Variants in SGMS1 observed in about 807,000 individuals in gnomAD.
SGMS1 encodes the protein sphingomyelin synthase 1.
Under a neutral mutation model 46.2 loss-of-function variants are expected in SGMS1, and 13 were observed. That is an observed-to-expected ratio of 0.28 (90% CI 0.18 to 0.45). The LOEUF (loss-of-function observed/expected upper bound fraction) is 0.45. Among genes scored for constraint, SGMS1 ranks in the 20% least tolerant of loss-of-function variants. SGMS1 has a pLI of 1.00. For synonymous variants in SGMS1, 203 were observed against 187.8 expected (o/e 1.08, Z -0.66); for missense variants, 324 against 519.9 (o/e 0.62, Z 3.66).
chr10:50,396,249 T>C (rs1483051313), intron 6 of SGMS1, among the ~76,000 whole-genome samples: 7 of 152,172 alleles, frequency 4.6e-5, no homozygotes, highest in Admixed American at 4.6e-4. Context: ...GCTTAAAGAC[T>C]ACCTCTTCTC....
At chr10:50,564,006 C>T (rs1016527807) in intron 2 of SGMS1, among the ~76,000 whole-genome samples, 2 of 152,226 alleles carry the variant, frequency 1.3e-5, no homozygotes, top group Non-Finnish European at 2.9e-5. Context: ...AGAAACCAGG[C>T]CTCAGGCCAA....
intron 3 of SGMS1, among the ~76,000 whole-genome samples, chr10:50,468,533 A>G (rs1837351050): frequency 6.6e-6 from 1 of 152,226 alleles, no homozygotes; most frequent in African/African-American, 2.4e-5. Context: ...ATTTTCTGAC[A>G]CGTTAACTGG....
intron 6 of SGMS1, among the ~76,000 whole-genome samples, chr10:50,430,366 T>C (rs1163754431): frequency 6.6e-6 from 1 of 151,974 alleles, no homozygotes; most frequent in Non-Finnish European, 1.5e-5. Flanking sequence ...TCTTACTATA[T>C]TGTCAACTGA....
At chr10:50,604,736 C>T (rs10763590) in intron 1 of SGMS1, among the ~76,000 whole-genome samples, 97,711 of 151,902 alleles carry the variant, frequency 0.64, 31,877 homozygotes, top group Middle Eastern at 0.68. Flanking sequence ...AAAAAGTCCT[C>T]GATTGATCAA....
chr10:50,412,385 C>T (rs1407436373), intron 6 of SGMS1, among the ~76,000 whole-genome samples: 1 of 152,220 alleles, frequency 6.6e-6, no homozygotes, highest in Non-Finnish European at 1.5e-5. Context: ...GCAAAACAGT[C>T]TGCCTTTATA....
chr10:50,624,568 C>G, upstream of SGMS1: 1 of 984,896 alleles, frequency 1.0e-6, no homozygotes, highest in South Asian at 4.7e-5. Flanking sequence ...GGTGAAAACT[C>G]CGACTGCGTC....
intron 2 of SGMS1, among the ~76,000 whole-genome samples, chr10:50,568,532 C>T (rs1838309797): frequency 6.6e-6 from 1 of 152,146 alleles, no homozygotes; most frequent in African/African-American, 2.4e-5. Context: ...TCCTAAACTG[C>T]CTTACTCTAC....
intron 5 of SGMS1, chr10:50,460,114 A>G (rs549788127): frequency 1.3e-5 from 2 of 152,360 alleles, no homozygotes; most frequent in South Asian, 4.1e-4. Flanking sequence ...GGTGCCCCTG[A>G]TCTTGATGAT....
intron 2 of SGMS1, among the ~76,000 whole-genome samples, chr10:50,533,460 T>C (rs1837973328): frequency 6.6e-6 from 1 of 152,194 alleles, no homozygotes; most frequent in East Asian, 1.9e-4. Flanking sequence ...AGTTGAGAAA[T>C]ACAGCTTGAA....
At chr10:50,455,514 A>G (rs923899515) in intron 5 of SGMS1, among the ~76,000 whole-genome samples, 7 of 152,216 alleles carry the variant, frequency 4.6e-5, no homozygotes, top group African/African-American at 1.7e-4. Flanking sequence ...ATTGTAAATT[A>G]GCCATTGCAA....
At chr10:50,394,587 C>T (rs1381801441) in intron 6 of SGMS1, among the ~76,000 whole-genome samples, 1 of 152,182 alleles carries the variant, frequency 6.6e-6, no homozygotes, top group Non-Finnish European at 1.5e-5. Flanking sequence ...AATTCTGGTG[C>T]CAGGCACCAA....
chr10:50,492,501 C>T (rs1012215225), intron 3 of SGMS1, among the ~76,000 whole-genome samples: 3 of 152,202 alleles, frequency 2.0e-5, no homozygotes, highest in African/African-American at 7.2e-5. Context: ...CATTCCTACA[C>T]ACCAACAATA....
At chr10:50,603,434 T>C (rs568076558) in intron 1 of SGMS1, among the ~76,000 whole-genome samples, 42 of 152,350 alleles carry the variant, frequency 2.8e-4, no homozygotes, top group Non-Finnish European at 5.3e-4. Flanking sequence ...CACTATCTGA[T>C]ACTCCTTCTC....
intron 2 of SGMS1, among the ~76,000 whole-genome samples, chr10:50,538,309 T>G (rs954664221): frequency 4.0e-5 from 6 of 150,698 alleles, no homozygotes; most frequent in African/African-American, 9.8e-5. Context: ...TACAAAAAAA[T>G]TAGCCGGGCG....
At chr10:50,496,186 C>CTT (rs1045658068) in intron 3 of SGMS1, among the ~76,000 whole-genome samples, 1 of 152,124 alleles carries the variant, frequency 6.6e-6, no homozygotes, top group African/African-American at 2.4e-5. Flanking sequence ...GGAAAAGGGC[C>CTT]TACAAAACAT....
chr10:50,327,417 A>C (rs1266277775), intron 7 of SGMS1, 95 bp from the exon 8 acceptor site: 1 of 746,152 alleles, frequency 1.3e-6, no homozygotes. Flanking sequence ...AACAAACCCC[A>C]AAAACTACTT....
chr10:50,583,756 A>C (rs1300936374), intron 2 of SGMS1, among the ~76,000 whole-genome samples: 1 of 152,210 alleles, frequency 6.6e-6, no homozygotes, highest in African/African-American at 2.4e-5. Flanking sequence ...GTTTTCTGTC[A>C]CTTGCAACCA....
chr10:50,331,736 T>C (rs892424963), intron 7 of SGMS1, among the ~76,000 whole-genome samples: 2 of 152,220 alleles, frequency 1.3e-5, no homozygotes, highest in African/African-American at 4.8e-5. Flanking sequence ...ATTCCTATGT[T>C]GAAACCTAAT....
chr10:50,319,284 A>C (rs987712243), intron 8 of SGMS1, among the ~76,000 whole-genome samples: 1 of 152,154 alleles, frequency 6.6e-6, no homozygotes, highest in African/African-American at 2.4e-5. Context: ...AGATTGTATC[A>C]CATTTTCTTC....
Sources: allele counts gnomAD v4.1 joint callset (sites outside exome capture counted in the v4.1 genomes callset), GRCh38; gene constraint gnomAD v4.1.1; transcripts MANE v1.5; gene names NCBI Gene and HGNC (gene_info 2026-07-23, HGNC 2026-07-21).